Variants in RELN observed in about 807,000 individuals in gnomAD.
RELN encodes the protein reelin.
A neutral mutation model predicts 427.6 loss-of-function variants in RELN; 108 were observed. The observed-to-expected ratio is 0.25, with a 90% CI of 0.22 to 0.30. The LOEUF (loss-of-function observed/expected upper bound fraction) is 0.30. RELN is among the 10% of genes least tolerant of loss of function. RELN has a pLI of 1.00. For missense variants in RELN, 3,715 were observed against 4,302.8 expected (o/e 0.86, Z 3.82); for synonymous variants, 1,524 against 1,513.4 (o/e 1.01, Z -0.16).
chr7:103,500,884 A>T lies in RELN; in HGVS notation c.8528T>A (p.Met2843Lys). Residue 2843 changes from methionine (M) to lysine (K), a missense_variant, in exon 53 of 65, where the codon ATG becomes AAG. By Grantham distance (95) the Met-to-Lys change is moderately conservative. Transcript: ENST00000428762. The stretch of plus-strand genomic sequence containing the variant: ...GTAGAAATTATCGATTGCCCACTGC[A>T]TGTCTGAGTACTTCTGATAGAACCT... ...RFRFYQKYSD[M>K]QWAIDNFYLG... 1 of 1,614,128 alleles carries T rather than the reference A, an allele frequency of 6.2e-7. No individual in the cohort carries two copies. The highest frequency in any genetic ancestry group is 8.5e-7 in the Non-Finnish European group (1 of 1,179,974).
chr7:103,596,736 C>T (rs1315923280), intron 24 of RELN, 75 bp from the exon 25 acceptor site: 1 of 1,237,072 alleles, frequency 8.1e-7, no homozygotes, highest in African/African-American at 1.5e-5. Flanking sequence ...GTTCCAAATT[C>T]ACATGGACAT....
intron 3 of RELN, among the ~76,000 whole-genome samples, chr7:103,777,715 C>T (rs1791780171): frequency 6.6e-6 from 1 of 152,176 alleles, no homozygotes; most frequent in Admixed American, 6.5e-5. Context: ...CCCCTCCCTT[C>T]TGCAGACCTT....
chr7:103,630,650 G>A (rs944219254), intron 19 of RELN, among the ~76,000 whole-genome samples: 2 of 152,176 alleles, frequency 1.3e-5, no homozygotes, highest in African/African-American at 4.8e-5. Context: ...GTACACAGCA[G>A]CGGGAACCAT....
chr7:103,824,341 T>C lies in RELN; in HGVS notation c.473+9196A>G, dbSNP rs1793079255. On this transcript the variant is annotated intron_variant, in intron 3 of 64. Coordinates refer to ENST00000428762, the MANE Select transcript of RELN (RefSeq NM_005045.4). This position sits in a 1 kb window ranked among gnomAD's most constrained non-coding sequence, Gnocchi z 4.4. The stretch of plus-strand genomic sequence containing the variant: ...TTATCTTCTTACAAGTAACTTATCT[T>C]GACCAAAGGCTCCACTCAGATGACA... Among the ~76,000 whole-genome samples, 1 of 152,092 alleles carries C rather than the reference T, an allele frequency of 6.6e-6. No individual in the cohort carries two copies. Among genetic ancestry groups the C allele is most frequent in the Non-Finnish European group, 1.5e-5 (1 of 68,018 alleles).
rs888820044 is a variant in RELN, at chr7:103,491,842, TCTCTCTCTCTCTCTCACACACA to T, written c.9443+89_9443+110del. ...GAAACTGTCTCTCTCTCTCTCTCTC[TCTCTCTCTCTCTCTCACACACA>T]CACACACACACACACACACACACAC... On this transcript the variant is annotated intron_variant, in intron 58 of 64. Coordinates refer to ENST00000428762, the MANE Select transcript of RELN (RefSeq NM_005045.4). The T allele has an allele frequency of 3.7e-5, 23 of 626,346 alleles. No homozygotes were observed. In the African/African-American group the frequency reaches 3.7e-4, roughly 10 times the overall value. 38.8% of individuals were successfully genotyped at this position (626,346 alleles called of 1,614,324 possible). A position where few individuals can be genotyped will look rare whatever the true frequency, so the allele number is the denominator to read the frequency against.
chr7:103,943,444 C>A (rs1019012008), intron 1 of RELN, among the ~76,000 whole-genome samples: 2 of 152,158 alleles, frequency 1.3e-5, no homozygotes, highest in Non-Finnish European at 1.5e-5. Flanking sequence ...CTTCTTGAGG[C>A]TGCACTCAAA....
chr7:103,769,802 C>A (rs76963280), intron 4 of RELN, among the ~76,000 whole-genome samples: 1,564 of 152,318 alleles, frequency 0.01, 23 homozygotes, highest in African/African-American at 0.035. Context: ...AGAAACACAT[C>A]TATTTCTTAA....
rs1830925807 is a variant in RELN, at chr7:103,573,304, C to T, written c.4511+788G>A. ...TATTTGTTTAGAGTCAGATAATTAC[C>T]TGTCAGTTGCTGATTTAGACTCACT... On this transcript the variant is annotated intron_variant, in intron 30 of 64. Coordinates refer to ENST00000428762, the MANE Select transcript of RELN (RefSeq NM_005045.4). The surrounding 1 kb of genome is among the most constrained non-coding windows in gnomAD (Gnocchi z 4.4). Among the ~76,000 whole-genome samples, 1 of 152,172 alleles carries T rather than the reference C, an allele frequency of 6.6e-6. No individual in the cohort carries two copies.
At chr7:103,904,606 T>C (rs1002317361) in intron 2 of RELN, among the ~76,000 whole-genome samples, 12 of 152,180 alleles carry the variant, frequency 7.9e-5, no homozygotes, top group African/African-American at 2.9e-4. Context: ...ATGAAAATTT[T>C]ATTAAGGAGT....
intron 10 of RELN, among the ~76,000 whole-genome samples, chr7:103,687,587 A>AC (rs1833789642): frequency 6.6e-6 from 1 of 152,144 alleles, no homozygotes; most frequent in South Asian, 2.1e-4. Flanking sequence ...ATTCATTAAC[A>AC]AACCTTACTT....
At chr7:103,881,114 TTTTC>T (rs1794597120) in intron 2 of RELN, among the ~76,000 whole-genome samples, 3 of 152,138 alleles carry the variant, frequency 2.0e-5, no homozygotes. Context: ...CTGCTCTCTT[TTTTC>T]TTTCTTTCAA....
chr7:103,746,546 A>C (rs1790836903), intron 6 of RELN, among the ~76,000 whole-genome samples: 1 of 152,256 alleles, frequency 6.6e-6, no homozygotes, highest in African/African-American at 2.4e-5. Context: ...TCCAGAAGCT[A>C]CAATGAACTC....
chr7:103,666,140 T>C (rs1167586770), intron 11 of RELN, among the ~76,000 whole-genome samples: 2 of 152,032 alleles, frequency 1.3e-5, no homozygotes, highest in South Asian at 2.1e-4. Flanking sequence ...TCATGGCTCA[T>C]GGTAGCCTTA....
At chr7:103,742,169 C>T (rs566536019) in intron 6 of RELN, among the ~76,000 whole-genome samples, 15 of 152,278 alleles carry the variant, frequency 9.9e-5, no homozygotes, top group African/African-American at 2.9e-4. Flanking sequence ...CTGGAGTGGA[C>T]GTCTAGCAAA....
At chr7:103,729,546 C>T (rs1347576306) in intron 6 of RELN, among the ~76,000 whole-genome samples, 1 of 152,072 alleles carries the variant, frequency 6.6e-6, no homozygotes, top group Admixed American at 6.6e-5. Context: ...AAATTTGATA[C>T]AGAATTTGAA....
chr7:103,978,207 C>T (rs1223358377), intron 1 of RELN, among the ~76,000 whole-genome samples: 2 of 152,064 alleles, frequency 1.3e-5, no homozygotes, highest in Non-Finnish European at 2.9e-5. Context: ...CTATCTTTTG[C>T]CTGACATCTC....
At chr7:103,668,429 T>G (rs1411300020) in intron 11 of RELN, among the ~76,000 whole-genome samples, 1 of 152,188 alleles carries the variant, frequency 6.6e-6, no homozygotes, top group African/African-American at 2.4e-5. Flanking sequence ...CTGGTCTACA[T>G]TTGGAAGAAA....
At chr7:103,865,103 C>A (rs1584310721) in intron 2 of RELN, among the ~76,000 whole-genome samples, 1 of 114,946 alleles carries the variant, frequency 8.7e-6, no homozygotes, top group Non-Finnish European at 1.7e-5. Context: ...CATTGTACTC[C>A]AAACTGGCCA....
intron 1 of RELN, among the ~76,000 whole-genome samples, chr7:103,933,134 A>G (rs1011790880): frequency 6.6e-6 from 1 of 152,188 alleles, no homozygotes; most frequent in African/African-American, 2.4e-5. Flanking sequence ...AGGACAACAC[A>G]GCAGCATACC....
Sources: allele counts gnomAD v4.1 joint callset (sites outside exome capture counted in the v4.1 genomes callset), GRCh38; gene constraint gnomAD v4.1.1; non-coding constraint Gnocchi (gnomAD v3.1); transcripts MANE v1.5; gene names NCBI Gene and HGNC (gene_info 2026-07-23, HGNC 2026-07-21).